Variants in INPP4B observed in about 807,000 individuals in gnomAD.
The protein encoded by INPP4B is inositol polyphosphate 4-phosphatase type II.
A neutral mutation model predicts 122.5 loss-of-function variants in INPP4B; 55 were observed. The observed-to-expected ratio is 0.45, with a 90% CI of 0.36 to 0.56. The LOEUF (loss-of-function observed/expected upper bound fraction) is 0.56, where lower values mean the gene tolerates loss of function less well. Among genes scored for constraint, INPP4B ranks in the 20% least tolerant of loss-of-function variants. The pLI is 0.00. For synonymous variants in INPP4B, 403 were observed against 388.7 expected (o/e 1.04, Z -0.43); for missense variants, 1,000 against 1,097.7 (o/e 0.91, Z 1.26).
intron 7 of INPP4B, among the ~76,000 whole-genome samples, chr4:142,382,766 A>G (rs1314735737): frequency 2.0e-5 from 3 of 150,232 alleles, no homozygotes; most frequent in Non-Finnish European, 4.4e-5. Context: ...TTTATTTACC[A>G]AGGTGTCTTG....
intron 12 of INPP4B, among the ~76,000 whole-genome samples, chr4:142,213,474 G>A (rs937584192): frequency 1.6e-4 from 25 of 152,066 alleles, no homozygotes; most frequent in African/African-American, 5.8e-4. Flanking sequence ...CTCTTCATGG[G>A]TCTATTGCAC....
intron 10 of INPP4B, among the ~76,000 whole-genome samples, chr4:142,268,810 A>AC (rs746464909): frequency 1.9e-4 from 29 of 152,118 alleles, no homozygotes; most frequent in Non-Finnish European, 3.8e-4. Context: ...GATTCTTGGG[A>AC]CCCCAAACTC....
intron 10 of INPP4B, among the ~76,000 whole-genome samples, chr4:142,262,872 C>G (rs1740758058): frequency 6.6e-6 from 1 of 152,150 alleles, no homozygotes. Flanking sequence ...TGCTGATAAA[C>G]TACAATGAAA....
chr4:142,144,874 C>T (rs1161604139), intron 18 of INPP4B, among the ~76,000 whole-genome samples: 4 of 151,852 alleles, frequency 2.6e-5, no homozygotes, highest in African/African-American at 9.7e-5. Context: ...ATTGAGGAAA[C>T]ATAAATCTAA....
chr4:142,669,173 CAAAT>C (rs1180174669), intron 2 of INPP4B, among the ~76,000 whole-genome samples: 2 of 152,038 alleles, frequency 1.3e-5, no homozygotes, highest in East Asian at 3.9e-4. Flanking sequence ...TAAAATGACA[CAAAT>C]AAATGGAAAG....
At chr4:142,216,359 T>C (rs924501524) in intron 12 of INPP4B, among the ~76,000 whole-genome samples, 2 of 152,178 alleles carry the variant, frequency 1.3e-5, no homozygotes, top group East Asian at 1.9e-4. Flanking sequence ...TTAGGCCTCT[T>C]ACACATTAAA....
At chr4:142,793,460 C>T (rs772492066) in intron 1 of INPP4B, among the ~76,000 whole-genome samples, 22 of 152,162 alleles carry the variant, frequency 1.4e-4, no homozygotes, top group Non-Finnish European at 2.6e-4. Flanking sequence ...AAAGAATTCA[C>T]GGCAAAACAA....
intron 2 of INPP4B, among the ~76,000 whole-genome samples, chr4:142,692,914 T>TATAGATAG (rs3080817): frequency 0.56 from 82,664 of 148,188 alleles, 24,337 homozygotes; most frequent in East Asian, 0.77. Context: ...GGCTAGTCTC[T>TATAGATAG]ATAGATAGAT....
chr4:142,594,449 G>A (rs1244774231), intron 2 of INPP4B, among the ~76,000 whole-genome samples: 2 of 152,048 alleles, frequency 1.3e-5, no homozygotes, highest in South Asian at 2.1e-4. Flanking sequence ...TCTGTAAGGT[G>A]GATATTATGG....
Position 142,631,982 on chromosome 4 carries a change from A to G in INPP4B, c.-191+93857T>C, listed in dbSNP as rs116245847. On this transcript the variant is annotated intron_variant, in intron 2 of 25. Transcript: ENST00000262992. ...CTGTTACTTCCCAGACCCAAGGGTT[A>G]TATACCACAGGGAAAGGGTATATGT... 2.0e-3 allele frequency among the ~76,000 whole-genome samples: 298 copies of G among 152,276 alleles called. 1 individual carries two copies. Among genetic ancestry groups the G allele is most frequent in the South Asian group, 0.011 (51 of 4,828 alleles).
chr4:142,782,106 A>T (rs1012004487), intron 1 of INPP4B, among the ~76,000 whole-genome samples: 2 of 151,920 alleles, frequency 1.3e-5, no homozygotes, highest in African/African-American at 2.4e-5. Context: ...AGCATTAGGT[A>T]TATCTCCTAA....
At chr4:142,317,933 G>A (rs1222386279) in intron 7 of INPP4B, among the ~76,000 whole-genome samples, 1 of 152,180 alleles carries the variant, frequency 6.6e-6, no homozygotes, top group African/African-American at 2.4e-5. Context: ...TGTCTCCCAT[G>A]TTATAGAAGT....
intron 4 of INPP4B, 41 bp from the exon 5 acceptor site, chr4:142,429,258 A>T (rs1236019535): frequency 9.9e-7 from 1 of 1,010,604 alleles, no homozygotes; most frequent in Non-Finnish European, 1.5e-6. Flanking sequence ...TAAAAAATTG[A>T]ATTATCAAGA....
rs116139150 is a variant in INPP4B at position 142,089,530 on chromosome 4, A to C, written c.2375-3274T>G. On this transcript the variant is annotated intron_variant, in intron 23 of 25. Transcript: ENST00000262992. The stretch of plus-strand genomic sequence containing the variant: ...AAATATCTGAGGTGAGGAAGTAGTA[A>C]TTAGTTTGACTATGGTAATTATTTA... 5.9e-3 allele frequency among the ~76,000 whole-genome samples: 899 copies of C among 151,846 alleles called. 2 individuals are homozygous for C. The highest frequency in any genetic ancestry group is 0.01 in the Non-Finnish European group (680 of 67,944).
At chr4:142,578,070 G>A (rs1000675268) in intron 2 of INPP4B, among the ~76,000 whole-genome samples, 1 of 151,906 alleles carries the variant, frequency 6.6e-6, no homozygotes, top group African/African-American at 2.4e-5. Flanking sequence ...CCACACAAAG[G>A]TGCAAATACC....
chr4:142,489,315 G>GA (rs1821576429), intron 2 of INPP4B, among the ~76,000 whole-genome samples: 1 of 152,206 alleles, frequency 6.6e-6, no homozygotes, highest in South Asian at 2.1e-4. Flanking sequence ...ATGTACCTGA[G>GA]AAAAATGTGT....
At chr4:142,742,584 ACT>A (rs745491807) in intron 1 of INPP4B, among the ~76,000 whole-genome samples, 15 of 151,900 alleles carry the variant, frequency 9.9e-5, no homozygotes, top group South Asian at 8.3e-4. Flanking sequence ...GTCAGTTAAG[ACT>A]CTGTTCTTAA....
intron 16 of INPP4B, among the ~76,000 whole-genome samples, chr4:142,162,145 T>C (rs941178983): frequency 2.0e-5 from 3 of 151,648 alleles, no homozygotes; most frequent in Non-Finnish European, 2.9e-5. Flanking sequence ...TTGAAGCCAC[T>C]TTGAAGGTGA....
At chr4:142,673,988 G>A (rs1037265304) in intron 2 of INPP4B, among the ~76,000 whole-genome samples, 3 of 152,018 alleles carry the variant, frequency 2.0e-5, no homozygotes, top group African/African-American at 7.2e-5. Flanking sequence ...TCCTTCTCTT[G>A]GCACAACCTA....
Sources: gnomAD v4.1 joint callset for allele counts (sites outside exome capture counted in the v4.1 genomes callset) on GRCh38, gnomAD v4.1.1 for gene constraint, MANE v1.5 for transcripts, NCBI Gene and HGNC (gene_info 2026-07-23, HGNC 2026-07-21) for gene names.